SYNE1: variants seen among roughly 807,000 people sequenced by gnomAD.
SYNE1 encodes spectrin repeat containing nuclear envelope protein 1.
SYNE1 carries 616 observed loss-of-function variants against 1,111.0 expected under a neutral mutation model. That is an observed-to-expected ratio of 0.55 (90% CI 0.52 to 0.59). The LOEUF (loss-of-function observed/expected upper bound fraction) is 0.59. Among genes scored for constraint, SYNE1 ranks in the 20% least tolerant of loss-of-function variants. The probability of loss-of-function intolerance (pLI) is 0.00; values close to 1 mark genes in which losing one functional copy is unlikely to be tolerated. For synonymous variants in SYNE1, 3,855 were observed against 3,825.8 expected (o/e 1.01, Z -0.28); for missense variants, 10,006 against 10,417.0 (o/e 0.96, Z 1.72).
intron 8 of SYNE1, among the ~76,000 whole-genome samples, chr6:152,509,481 T>G (rs1426483761): frequency 6.6e-6 from 1 of 152,106 alleles, no homozygotes; most frequent in Non-Finnish European, 1.5e-5. Context: ...GGTCTCGATC[T>G]CCTGACCTCA....
Position 152,316,876 on chromosome 6 carries a change from C to G in SYNE1, c.16683G>C (p.Gln5561His), listed in dbSNP as rs754119947. 1.2e-6 allele frequency: 2 copies of G among 1,614,032 alleles called. No homozygotes were observed. The highest frequency in any genetic ancestry group is 1.7e-5 in the Admixed American group (1 of 60,002). Residue 5561 changes from glutamine (Q) to histidine (H), a missense_variant, in exon 87 of 146, where the codon CAG (glutamine) becomes CAC (histidine). By Grantham distance (24) the Gln-to-His change is conservative (BLOSUM62 0). Coordinates refer to ENST00000367255, the MANE Select transcript of SYNE1 (RefSeq NM_182961.4). ...HGTIAWNSAS[Q>H]LREQYILHQT... ...GATGCAAAATATATTGTTCCCGAAG[C>G]TGGCTTGCAGAATTCCATGCAATAG...
chr6:152,201,221 T>G (rs1271915079), intron 127 of SYNE1, among the ~76,000 whole-genome samples: 2 of 152,172 alleles, frequency 1.3e-5, no homozygotes, highest in Non-Finnish European at 2.9e-5. Context: ...TTATAGCCAC[T>G]GAATTGTGTT....
Position 152,428,292 on chromosome 6 carries a change from G to A in SYNE1, c.4889C>T (p.Ala1630Val), listed in dbSNP as rs566004273. 991 of 1,614,060 alleles carry A rather than the reference G, an allele frequency of 6.1e-4. 19 individuals carry two copies. The South Asian group carries it at 1.0e-2, about 16-fold the overall frequency. Reference sequence around the variant, plus strand: ...GTCCTCGTATTGCTGCTGTAGAGCCGCAGCCTCCTGAACACAGGAATCTCT... The same window carrying A: ...GTCCTCGTATTGCTGCTGTAGAGCCACAGCCTCCTGAACACAGGAATCTCT... The part of the protein sequence containing the change: ...VNRDSCVQEA[A>V]ALQQQYEDIL... Residue 1630 changes from alanine to valine, a missense_variant, in exon 37 of 146, where the codon GCG becomes GTG. By Grantham distance (64) the Ala-to-Val change is moderately conservative. Coordinates refer to ENST00000367255, the MANE Select transcript of SYNE1 (RefSeq NM_182961.4).
At position 152,455,524 on chromosome 6, in the gene SYNE1, ACTT is replaced by A; in HGVS notation, c.2791_2793del (p.Lys931del). On this transcript the variant is annotated inframe_deletion, in exon 24 of 146. Coordinates refer to ENST00000367255, the MANE Select transcript of SYNE1 (RefSeq NM_182961.4). ...TCCAACTCTGCTCGAGACTCCTCAA[ACTT>A]CTTCATCAAGCGACTGTTGGTTTCC... The A allele has an allele frequency of 6.2e-7, 1 of 1,614,040 alleles. No individual in the cohort carries two copies. Among genetic ancestry groups the A allele is most frequent in the East Asian group, 2.2e-5 (1 of 44,872 alleles).
chr6:152,608,377 C>T (rs1227860622), intron 3 of SYNE1, among the ~76,000 whole-genome samples: 1 of 152,038 alleles, frequency 6.6e-6, no homozygotes, highest in Non-Finnish European at 1.5e-5. Flanking sequence ...ATAATAAGTG[C>T]TCTAATTACA....
At chr6:152,472,159 A>G (rs2098809528) in intron 15 of SYNE1, 142 bp downstream of exon 15, 3 of 690,228 alleles carry the variant, frequency 4.3e-6, no homozygotes, top group Non-Finnish European at 7.5e-6. Flanking sequence ...CATTCTTAGC[A>G]TGTCTTATGG....
In SYNE1 at chr6:152,310,006, A is replaced by G. The variant is rs1021104715; in HGVS notation, c.17031T>C (p.Ser5677=). 1.2e-6 allele frequency: 2 copies of G among 1,613,922 alleles called. No individual in the cohort carries two copies. Among genetic ancestry groups the G allele is most frequent in the Non-Finnish European group, 1.7e-6 (2 of 1,180,032 alleles). ...CCTTCGGCTTCAGTGACTCCATCTC[A>G]GACAACAAATGCTGAAAATGCAATT... The part of the protein sequence containing the change: ...EQLSHRQHLL[S]EMESLKPKVQ... The change falls in exon 90 of 146, where the codon TCT becomes TCC. Residue 5677 remains serine, a synonymous_variant. Transcript: ENST00000367255.
intron 4 of SYNE1, among the ~76,000 whole-genome samples, chr6:152,526,404 G>T (rs1380398596): frequency 6.6e-6 from 1 of 152,190 alleles, no homozygotes; most frequent in Non-Finnish European, 1.5e-5. Flanking sequence ...AAGATTTAAT[G>T]CTTGAGCCTT....
intron 4 of SYNE1, among the ~76,000 whole-genome samples, chr6:152,536,270 G>A (rs1454788808): frequency 6.8e-6 from 1 of 148,090 alleles, no homozygotes; most frequent in East Asian, 2.0e-4. Flanking sequence ...GCAGGCTCAT[G>A]ACCACCCTTT....
intron 45 of SYNE1, 57 bp downstream of exon 45, chr6:152,406,957 T>G (rs2097910978): frequency 5.7e-6 from 8 of 1,391,958 alleles, no homozygotes; most frequent in African/African-American, 1.5e-5. Flanking sequence ...TTTTTTTTTT[T>G]CATATTCTGG....
At chr6:152,311,130 C>T (rs1244865653) in intron 87 of SYNE1, 1 of 517,088 alleles carries the variant, frequency 1.9e-6, no homozygotes, top group East Asian at 3.6e-5. Context: ...CATGAAGCTC[C>T]TGCTCGGTCA....
chr6:152,433,940 T>G lies in SYNE1; in HGVS notation c.4316A>C (p.Lys1439Thr), dbSNP rs1188144545. ...KLEDTLEEDI[K>T]TMEMVKTKWD... ...CTTGGTTTTCACCATTTCCATGGTT[T>G]TAATACTAAAATTAACCAAATTAAG... The change falls in exon 34 of 146, where the codon AAA (lysine) becomes ACA (threonine). Residue 1439 changes from lysine to threonine, a missense_variant. Around this residue, in one of 7 missense-constraint regions of SYNE1, gnomAD observed 1,971 missense variants for 2,084.1 expected, o/e 0.95. Transcript: ENST00000367255. 5.6e-6 allele frequency: 9 copies of G among 1,612,572 alleles called. No individual in the cohort carries two copies. The highest frequency in any genetic ancestry group is 7.6e-6 in the Non-Finnish European group (9 of 1,179,182).
chr6:152,283,298 G>C (rs1268069181), intron 96 of SYNE1, among the ~76,000 whole-genome samples: 2 of 152,156 alleles, frequency 1.3e-5, no homozygotes, highest in Admixed American at 1.3e-4. Flanking sequence ...TGACTAAGTA[G>C]GATTTATTCT....
chr6:152,526,830 G>A (rs1248261571), intron 4 of SYNE1, among the ~76,000 whole-genome samples: 3 of 152,150 alleles, frequency 2.0e-5, no homozygotes, highest in Non-Finnish European at 4.4e-5. Context: ...ACCGATCAGT[G>A]CAAATCTATC....
At chr6:152,401,369 A>C in intron 46 of SYNE1, 28 bp from the exon 47 acceptor site, 3 of 1,599,356 alleles carry the variant, frequency 1.9e-6, no homozygotes, top group Non-Finnish European at 2.6e-6. Flanking sequence ...TTTCATCAAT[A>C]TCTCTGAAGA....
chr6:152,561,108 A>C (rs2099393800), intron 3 of SYNE1, among the ~76,000 whole-genome samples: 1 of 152,178 alleles, frequency 6.6e-6, no homozygotes, highest in Admixed American at 6.5e-5. Context: ...AAAGGCATCA[A>C]AATCAGAAAG....
rs768084185 is a variant in SYNE1, at chr6:152,151,613, C to T, written c.24390G>A (p.Gln8130=). Residue 8130 remains glutamine, a synonymous_variant, in exon 135 of 146, where the codon CAG becomes CAA. Coordinates refer to ENST00000367255, the MANE Select transcript of SYNE1 (RefSeq NM_182961.4). The stretch of plus-strand genomic sequence containing the variant: ...CAGAAAAATGTTCAATATTAGTGAG[C>T]TGCAGATCCATCTCTGTGAGCCAGA... ...ILVWLTEMDL[Q]LTNIEHFSEC... is the part of the protein sequence containing the mutation. 4 of 1,614,028 alleles carry T rather than the reference C, an allele frequency of 2.5e-6. No individual in the cohort carries two copies. The African/African-American group carries it at 4.0e-5, about 16-fold the overall frequency.
At chr6:152,188,165 T>C (rs1429216304) in intron 128 of SYNE1, among the ~76,000 whole-genome samples, 2 of 152,200 alleles carry the variant, frequency 1.3e-5, no homozygotes, top group African/African-American at 4.8e-5. Context: ...TTTGTTAACA[T>C]CACAATTATT....
Position 152,449,582 on chromosome 6 carries a change from C to T in SYNE1, c.3455G>A (p.Gly1152Asp), listed in dbSNP as rs372062453. 7 of 1,613,976 alleles carry T rather than the reference C, an allele frequency of 4.3e-6. No individual in the cohort carries two copies. In the African/African-American group the frequency reaches 8.0e-5, roughly 18 times the overall value. The change falls in exon 28 of 146, where the codon GGT becomes GAT. Residue 1152 changes from glycine (G) to aspartate (D), a missense_variant. This residue lies in a region of SYNE1 where 1,971 missense variants were observed against 2,084.1 expected (regional missense o/e 0.95). Coordinates refer to ENST00000367255, the MANE Select transcript of SYNE1 (RefSeq NM_182961.4). ...GTGGTTGGCAGTATCGATGGCCTCA[C>T]CCTTGATCCCCTTTAATTGTGTCTC... ...TNETQLKGIK[G>D]EAIDTANHGE...
Sources: gnomAD v4.1 joint callset for allele counts (sites outside exome capture counted in the v4.1 genomes callset) on GRCh38, gnomAD v4.1.1 for gene constraint, gnomAD v4.1.1 regional missense constraint, MANE v1.5 for transcripts, NCBI Gene and HGNC (gene_info 2026-07-23, HGNC 2026-07-21) for gene names.